ATP2A2: variants seen among roughly 807,000 people sequenced by gnomAD.
ATP2A2 encodes ATPase sarcoplasmic/endoplasmic reticulum Ca2+ transporting 2, also known as sarcoplasmic/endoplasmic reticulum calcium ATPase 2.
A neutral mutation model predicts 109.3 loss-of-function variants in ATP2A2; 14 were observed. The ratio of observed to expected loss-of-function variants is 0.13; its 90% CI spans 0.08 to 0.20. ATP2A2 has a LOEUF of 0.20. ATP2A2 is among the 10% of genes least tolerant of loss of function. ATP2A2 has a pLI of 1.00. For missense variants in ATP2A2, 657 were observed against 1,321.6 expected (o/e 0.50, Z 7.80); for synonymous variants, 506 against 490.9 (o/e 1.03, Z -0.41).
At chr12:110,304,765 C>A (rs1875080504) in intron 5 of ATP2A2, among the ~76,000 whole-genome samples, 2 of 152,022 alleles carry the variant, frequency 1.3e-5, no homozygotes, top group Admixed American at 6.6e-5. Context: ...ATGATAAAGT[C>A]CACTTATACA....
chr12:110,291,282 C>T (rs1368499302), intron 3 of ATP2A2, among the ~76,000 whole-genome samples: 1 of 152,092 alleles, frequency 6.6e-6, no homozygotes, highest in Non-Finnish European at 1.5e-5. Context: ...CGGCTCACTG[C>T]CACCTCCGCC....
chr12:110,347,781 C>CATCA lies in ATP2A2; in HGVS notation c.*1313_*1316dup. On this transcript the variant is annotated 3_prime_UTR_variant, in exon 20 of 20. Transcript: ENST00000539276. Reference sequence around the variant, plus strand: ...TTTTCCTCCAATGCCTTCCAACATCCATCAACTAACGTGAGTATTTTCTTC... The same window carrying CATCA: ...TTTTCCTCCAATGCCTTCCAACATCCATCAATCAACTAACGTGAGTATTTTCTTC... The CATCA allele has an allele frequency of 9.4e-7, 1 of 1,062,724 alleles. No individual in the cohort carries two copies. Among genetic ancestry groups the CATCA allele is most frequent in the Non-Finnish European group, 1.1e-6 (1 of 875,278 alleles). 65.8% of individuals were successfully genotyped at this position (1,062,724 alleles called of 1,614,324 possible). A position where few individuals can be genotyped will look rare whatever the true frequency, so the allele number is the denominator to read the frequency against.
chr12:110,291,629 A>G (rs1038158858), intron 3 of ATP2A2, among the ~76,000 whole-genome samples: 1 of 143,406 alleles, frequency 7.0e-6, no homozygotes, highest in Non-Finnish European at 1.5e-5. Context: ...TAATCCCTTT[A>G]GTGCTAGCCA....
At chr12:110,320,660 A>G (rs1446527678) in intron 5 of ATP2A2, among the ~76,000 whole-genome samples, 3 of 152,224 alleles carry the variant, frequency 2.0e-5, no homozygotes, top group Non-Finnish European at 4.4e-5. Flanking sequence ...TATTAAAATG[A>G]AAGGTTCTCG....
intron 5 of ATP2A2, among the ~76,000 whole-genome samples, chr12:110,314,758 A>C (rs1403577616): frequency 6.6e-6 from 1 of 152,220 alleles, no homozygotes; most frequent in African/African-American, 2.4e-5. Flanking sequence ...TATTATTACT[A>C]TACAGCCACT....
intron 3 of ATP2A2, among the ~76,000 whole-genome samples, chr12:110,288,808 A>C (rs957175508): frequency 1.3e-5 from 2 of 152,190 alleles, no homozygotes; most frequent in Non-Finnish European, 2.9e-5. Context: ...GCAAACCATA[A>C]TTATGAACTC....
chr12:110,282,926 A>G, intron 3 of ATP2A2, 131 bp downstream of exon 3: 2 of 818,798 alleles, frequency 2.4e-6, no homozygotes, highest in Non-Finnish European at 4.0e-6. Flanking sequence ...ATGTTTAAAA[A>G]CAATCTGGGC....
chr12:110,333,716 T>A (rs1878561998), intron 10 of ATP2A2, among the ~76,000 whole-genome samples: 2 of 152,232 alleles, frequency 1.3e-5, no homozygotes, highest in South Asian at 2.1e-4. Flanking sequence ...ACTCTTTGAA[T>A]TAATAGTGTG....
intron 5 of ATP2A2, among the ~76,000 whole-genome samples, chr12:110,312,198 G>T (rs1876154340): frequency 6.6e-6 from 1 of 151,888 alleles, no homozygotes; most frequent in African/African-American, 2.4e-5. Context: ...CCCAAAAAAA[G>T]TTCGGGGGGT....
In ATP2A2 at chr12:110,342,322, A is replaced by C; in HGVS notation, c.2192A>C (p.Glu731Ala). ...ACTGCGGTGGCTAAAACCGCCTCTG[A>C]GATGGTCCTGGCGGATGACAACTTC... Reference protein sequence around the residue: ...SGTAVAKTASEMVLADDNFST... With the variant: ...SGTAVAKTASAMVLADDNFST... Residue 731 changes from glutamate (E) to alanine (A), a missense_variant, in exon 15 of 20, where the codon GAG (glutamate) becomes GCG (alanine). Physicochemically the swap from Glu to Ala is moderately radical, Grantham distance 107. Coordinates refer to ENST00000539276, the MANE Select transcript of ATP2A2 (RefSeq NM_170665.4). This position sits in a 1 kb window ranked among gnomAD's most constrained non-coding sequence, Gnocchi z 4.6. 1 of 1,614,168 alleles carries C rather than the reference A, an allele frequency of 6.2e-7. No individual in the cohort carries two copies. The highest frequency in any genetic ancestry group is 8.5e-7 in the Non-Finnish European group (1 of 1,180,030).
At position 110,346,631 on chromosome 12, in the gene ATP2A2, CAA is replaced by C. The variant is rs936427605; in HGVS notation, c.*162_*163del. The C allele has an allele frequency of 6.8e-7, 1 of 1,473,084 alleles. No homozygotes were observed. The highest frequency in any genetic ancestry group is 1.4e-5 in the African/African-American group (1 of 70,588). The allele number at this position is 1,473,084 out of a possible 1,614,324, so 91.3% of individuals were successfully genotyped here. On this transcript the variant is annotated 3_prime_UTR_variant, in exon 20 of 20. Coordinates refer to ENST00000539276, the MANE Select transcript of ATP2A2 (RefSeq NM_170665.4). ...TTTGCTTTTTCTGACTCCAGTGGGG[CAA>C]GATTTTCCTTTTTTATACACATAAT...
intron 5 of ATP2A2, among the ~76,000 whole-genome samples, chr12:110,300,757 T>G (rs957868555): frequency 6.6e-6 from 1 of 151,534 alleles, no homozygotes; most frequent in Non-Finnish European, 1.5e-5. Flanking sequence ...TTCCAAAGTG[T>G]TGTAATTACA....
chr12:110,289,248 A>AGGC (rs1873001720), intron 3 of ATP2A2, among the ~76,000 whole-genome samples: 1 of 152,234 alleles, frequency 6.6e-6, no homozygotes, highest in Non-Finnish European at 1.5e-5. Context: ...GAAAGGTCAT[A>AGGC]GTTACTCTTC....
At chr12:110,326,590 T>C (rs2137813108) in intron 7 of ATP2A2, 115 bp downstream of exon 7, 1 of 1,033,948 alleles carries the variant, frequency 9.7e-7, no homozygotes, top group Non-Finnish European at 1.5e-6. Flanking sequence ...AATCACACTT[T>C]TCATGGTCAG....
At chr12:110,301,914 A>G (rs112303164) in intron 5 of ATP2A2, among the ~76,000 whole-genome samples, 21 of 152,020 alleles carry the variant, frequency 1.4e-4, no homozygotes, top group Non-Finnish European at 2.8e-4. Flanking sequence ...AGAGTTTATT[A>G]ATTTGCTCAA....
chr12:110,291,699 C>T (rs1406735487), intron 3 of ATP2A2, among the ~76,000 whole-genome samples: 1 of 136,930 alleles, frequency 7.3e-6, no homozygotes, highest in African/African-American at 2.8e-5. Flanking sequence ...AGTGCAATGG[C>T]ATGCAGTACA....
At position 110,298,300 on chromosome 12, in the gene ATP2A2, A is replaced by G. The variant is rs75306200; in HGVS notation, c.463+1563A>G. Among the ~76,000 whole-genome samples the G allele has an allele frequency of 8.1e-3, 1,232 of 152,294 alleles. 1 individual carries two copies. Among genetic ancestry groups the G allele is most frequent in the Non-Finnish European group, 9.5e-3 (643 of 68,022 alleles). The stretch of plus-strand genomic sequence containing the variant: ...GTGTTACATATATGCCAGTAAGCCA[A>G]TTATTTGGGACTGTGTAGTGTTTGT... On this transcript the variant is annotated intron_variant, in intron 5 of 19. Transcript: ENST00000539276.
At chr12:110,299,688 C>T (rs1874342451) in intron 5 of ATP2A2, among the ~76,000 whole-genome samples, 2 of 152,144 alleles carry the variant, frequency 1.3e-5, no homozygotes, top group East Asian at 1.9e-4. Flanking sequence ...GGCACCATCA[C>T]GGCTCACTGC....
intron 4 of ATP2A2, among the ~76,000 whole-genome samples, chr12:110,294,918 CAAG>C (rs879782328): frequency 2.6e-5 from 4 of 151,928 alleles, no homozygotes; most frequent in Admixed American, 2.6e-4. Flanking sequence ...CTCCCGGACT[CAAG>C]AGATTCTCCC....
Sources: gnomAD v4.1 joint callset for allele counts (sites outside exome capture counted in the v4.1 genomes callset) on GRCh38, gnomAD v4.1.1 for gene constraint, Gnocchi (gnomAD v3.1) non-coding constraint, MANE v1.5 for transcripts, NCBI Gene and HGNC (gene_info 2026-07-23, HGNC 2026-07-21) for gene names.